Variants in ADHFE1 observed in about 807,000 individuals in gnomAD.
ADHFE1 encodes hydroxyacid-oxoacid transhydrogenase, mitochondrial.
In ADHFE1, 37 loss-of-function variants were observed where a neutral mutation model predicts 54.8. The ratio of observed to expected loss-of-function variants is 0.68; its 90% CI spans 0.52 to 0.89. The LOEUF (loss-of-function observed/expected upper bound fraction) is 0.89. Among genes scored for constraint, ADHFE1 ranks in the 40% least tolerant of loss-of-function variants. ADHFE1 has a pLI of 0.00. For missense variants in ADHFE1, 601 were observed against 591.2 expected (o/e 1.02, Z -0.17); for synonymous variants, 203 against 229.3 (o/e 0.89, Z 1.04).
chr8:66,462,491 A>G (rs1293512042), intron 13 of ADHFE1, among the ~76,000 whole-genome samples: 1 of 152,158 alleles, frequency 6.6e-6, no homozygotes, highest in Non-Finnish European at 1.5e-5. Flanking sequence ...AGCTCAAGCA[A>G]TCCTCCTGCC....
At chr8:66,462,125 TCTC>T (rs1806933189) in intron 13 of ADHFE1, among the ~76,000 whole-genome samples, 1 of 152,174 alleles carries the variant, frequency 6.6e-6, no homozygotes, top group African/African-American at 2.4e-5. Flanking sequence ...CCTCCATTCC[TCTC>T]CTCCTAAGTC....
At chr8:66,457,470 TC>T (rs2045019683) in intron 12 of ADHFE1, among the ~76,000 whole-genome samples, 2 of 144,584 alleles carry the variant, frequency 1.4e-5, no homozygotes, top group African/African-American at 2.6e-5. Flanking sequence ...AGAGTGAGAC[TC>T]TCTCTCTCAA....
At chr8:66,433,961 T>C (rs1805334124) in intron 1 of ADHFE1, among the ~76,000 whole-genome samples, 1 of 152,250 alleles carries the variant, frequency 6.6e-6, no homozygotes, top group African/African-American at 2.4e-5. Context: ...AATATGTTTT[T>C]GGAATGGTTG....
intron 13 of ADHFE1, among the ~76,000 whole-genome samples, chr8:66,466,931 T>A (rs1018672324): frequency 6.6e-6 from 1 of 152,192 alleles, no homozygotes; most frequent in Non-Finnish European, 1.5e-5. Flanking sequence ...CAGAGCCAGA[T>A]CGGGGTAGCC....
intron 1 of ADHFE1, among the ~76,000 whole-genome samples, chr8:66,433,800 G>C (rs1249716046): frequency 6.6e-6 from 1 of 152,206 alleles, no homozygotes; most frequent in African/African-American, 2.4e-5. Context: ...CCCTCTTGGA[G>C]AATCAAAATA....
At chr8:66,455,832 A>C (rs1806554721) in intron 10 of ADHFE1, among the ~76,000 whole-genome samples, 1 of 152,196 alleles carries the variant, frequency 6.6e-6, no homozygotes, top group Admixed American at 6.5e-5. Flanking sequence ...CTGTAGTCTC[A>C]GCCACCCTGA....
At chr8:66,442,181 T>G (rs1376965541) in intron 2 of ADHFE1, among the ~76,000 whole-genome samples, 2 of 152,116 alleles carry the variant, frequency 1.3e-5, no homozygotes, top group Non-Finnish European at 2.9e-5. Context: ...GTAACCCAAC[T>G]CTAAACCAGG....
At chr8:66,447,963 C>A (rs1251801686) in intron 7 of ADHFE1, among the ~76,000 whole-genome samples, 1 of 152,120 alleles carries the variant, frequency 6.6e-6, no homozygotes, top group South Asian at 2.1e-4. Flanking sequence ...GTTTGATGAG[C>A]CTTGACAAAC....
intron 12 of ADHFE1, chr8:66,459,409 A>ATTTT (rs71561284): frequency 4.1e-5 from 5 of 122,498 alleles, no homozygotes; most frequent in East Asian, 4.4e-4. Flanking sequence ...TTTAATTTTT[A>ATTTT]TTATATATAT....
chr8:66,467,193 G>A (rs1807236944), intron 13 of ADHFE1, among the ~76,000 whole-genome samples: 1 of 152,114 alleles, frequency 6.6e-6, no homozygotes, highest in Admixed American at 6.5e-5. Flanking sequence ...CGCTCTGACT[G>A]GGGCTTCATT....
Position 66,445,387 on chromosome 8 carries a change from T to G in ADHFE1, c.523T>G (p.Ser175Ala). 6.2e-7 allele frequency: 1 copy of G among 1,612,396 alleles called. No homozygotes were observed. The highest frequency in any genetic ancestry group is 8.5e-7 in the Non-Finnish European group (1 of 1,179,652). ...SAPIGKGKPV[S>A]VPLKPLIAVP... The stretch of plus-strand genomic sequence containing the variant: ...CCCCATTGGCAAGGGAAAGCCTGTG[T>G]CTGTGCCTCTTAAGCCTCTGATTGC... Residue 175 changes from serine (S) to alanine (A), a missense_variant, in exon 6 of 14, where the codon TCT (serine) becomes GCT (alanine). By Grantham distance (99) the Ser-to-Ala change is moderately conservative. Coordinates refer to ENST00000396623, the MANE Select transcript of ADHFE1 (RefSeq NM_144650.3).
chr8:66,453,867 G>A (rs746905129), intron 9 of ADHFE1, 192 bp from the exon 10 acceptor site: 1 of 1,504,926 alleles, frequency 6.6e-7, no homozygotes, highest in Non-Finnish European at 8.9e-7. Flanking sequence ...TGCTGAAACA[G>A]TTGATGAGAA....
At chr8:66,458,644 C>T (rs1269575033) in intron 12 of ADHFE1, among the ~76,000 whole-genome samples, 2 of 152,188 alleles carry the variant, frequency 1.3e-5, no homozygotes, top group African/African-American at 4.8e-5. Context: ...GGGAGTTCCT[C>T]TGTTAGACAA....
chr8:66,459,316 A>G (rs983682539), intron 12 of ADHFE1, among the ~76,000 whole-genome samples: 1 of 151,290 alleles, frequency 6.6e-6, no homozygotes, highest in African/African-American at 2.4e-5. Flanking sequence ...TCCTCTGGGA[A>G]CTTTCTCTGT....
At chr8:66,444,140 GT>G (rs11354983) in intron 3 of ADHFE1, among the ~76,000 whole-genome samples, 24,919 of 152,108 alleles carry the variant, frequency 0.16, 2,203 homozygotes, top group Middle Eastern at 0.2. Context: ...TTTATGATGT[GT>G]TTGGGAAAAG....
intron 2 of ADHFE1, 144 bp downstream of exon 2, chr8:66,440,343 A>G (rs1805685288): frequency 2.7e-6 from 2 of 743,618 alleles, no homozygotes; most frequent in Non-Finnish European, 4.6e-6. Context: ...TGTGAAATTG[A>G]TAACACGTAA....
At chr8:66,447,911 T>A (rs1387806819) in intron 7 of ADHFE1, among the ~76,000 whole-genome samples, 1 of 152,248 alleles carries the variant, frequency 6.6e-6, no homozygotes, top group Non-Finnish European at 1.5e-5. Context: ...TTTATTGAGA[T>A]ATGACTTTTG....
At chr8:66,465,118 T>C (rs1807099912) in intron 13 of ADHFE1, among the ~76,000 whole-genome samples, 1 of 152,252 alleles carries the variant, frequency 6.6e-6, no homozygotes, top group Non-Finnish European at 1.5e-5. Flanking sequence ...CATTTACCTA[T>C]TGATAGACAC....
chr8:66,445,177 G>GA, intron 5 of ADHFE1, 41 bp from the exon 6 acceptor site: 1 of 1,526,010 alleles, frequency 6.6e-7, no homozygotes, highest in South Asian at 1.2e-5. Context: ...ATTTATTTCT[G>GA]AAAAATATAA....
Sources: allele counts gnomAD v4.1 joint callset (sites outside exome capture counted in the v4.1 genomes callset), GRCh38; gene constraint gnomAD v4.1.1; transcripts MANE v1.5; gene names NCBI Gene and HGNC (gene_info 2026-07-23, HGNC 2026-07-21).